Variants in KAZN observed in about 807,000 individuals in gnomAD.
The protein encoded by KAZN is kazrin, periplakin interacting protein.
In KAZN, 40 loss-of-function variants were observed where a neutral mutation model predicts 87.4. The observed-to-expected ratio is 0.46, with a 90% CI of 0.36 to 0.60. The LOEUF is 0.60. Ranked by LOEUF, KAZN falls within the 20% of genes least tolerant of loss-of-function variation. KAZN has a pLI of 0.00. For synonymous variants in KAZN, 466 were observed against 458.3 expected (o/e 1.02, Z -0.22); for missense variants, 898 against 1,073.9 (o/e 0.84, Z 2.29).
Position 14,996,086 on chromosome 1 carries a change from G to C in KAZN, c.418+35211G>C, listed in dbSNP as rs74060145. On this transcript the variant is annotated intron_variant, in intron 2 of 14. Transcript: ENST00000376030. The surrounding 1 kb of genome is among the most constrained non-coding windows in gnomAD (Gnocchi z 5.9). ...CCAGCCCCTTCTGCCTCTGGAGAGG[G>C]TCCATACCCTGCACAGCAGACGCGA... Among the ~76,000 whole-genome samples, 12,920 of 152,112 alleles carry C rather than the reference G, an allele frequency of 0.085. 662 individuals are homozygous for C. Among genetic ancestry groups the C allele is most frequent in the African/African-American group, 0.14 (5,992 of 41,468 alleles).
chr1:14,579,919 G>C (rs965281899), intron 2 of KAZN, among the ~76,000 whole-genome samples: 2 of 151,892 alleles, frequency 1.3e-5, no homozygotes, highest in African/African-American at 4.8e-5. Context: ...TTTCATACCG[G>C]GTTCATTCAC....
chr1:13,945,708 T>A (rs867858290), intron 1 of KAZN, among the ~76,000 whole-genome samples: 1,558 of 134,320 alleles, frequency 0.012, 22 homozygotes, highest in African/African-American at 0.041. Context: ...TGTGTGTGTG[T>A]GTGAGAGAGA....
chr1:13,939,973 T>G (rs1640869906), intron 1 of KAZN, among the ~76,000 whole-genome samples: 1 of 152,192 alleles, frequency 6.6e-6, no homozygotes, highest in Admixed American at 6.5e-5. Flanking sequence ...ATGAGAAATC[T>G]GACTCCATGA....
chr1:14,125,885 G>T lies in KAZN; in HGVS notation c.92-54550G>T, dbSNP rs4662111. Among the ~76,000 whole-genome samples, 108 of 150,268 alleles carry T rather than the reference G, an allele frequency of 7.2e-4. 2 individuals carry two copies. In the East Asian group the frequency reaches 0.02, roughly 28 times the overall value. ...CGTTAGATTCAGGCAACAAAGATCAGGGCAGGATTGAGGAACCATGGGAAG... is the reference window on the plus strand; with the variant it reads ...CGTTAGATTCAGGCAACAAAGATCATGGCAGGATTGAGGAACCATGGGAAG... On this transcript the variant is annotated intron_variant, in intron 1 of 16. Transcript: ENST00000636203.
intron 2 of KAZN, among the ~76,000 whole-genome samples, chr1:14,503,775 A>G (rs879800939): frequency 6.6e-5 from 10 of 152,046 alleles, no homozygotes; most frequent in Non-Finnish European, 1.2e-4. Context: ...GATGTAAGCC[A>G]GATTTGATGA....
At chr1:14,308,351 A>G (rs958281800) in intron 2 of KAZN, among the ~76,000 whole-genome samples, 5 of 152,322 alleles carry the variant, frequency 3.3e-5, no homozygotes, top group Non-Finnish European at 5.9e-5. Flanking sequence ...GCATACTGCA[A>G]TATTTAGGGT....
intron 1 of KAZN, among the ~76,000 whole-genome samples, chr1:13,931,664 C>A (rs757463746): frequency 7.1e-6 from 1 of 141,228 alleles, no homozygotes. Context: ...AAAACATGGC[C>A]AGTCCCAATG....
At chr1:13,942,409 G>A (rs868427967) in intron 1 of KAZN, among the ~76,000 whole-genome samples, 28 of 147,676 alleles carry the variant, frequency 1.9e-4, no homozygotes, top group Non-Finnish European at 3.6e-4. Context: ...GCGTGGTGGC[G>A]GGCGCCTGTA....
At chr1:14,736,393 G>C (rs1043362295) in intron 1 of KAZN, among the ~76,000 whole-genome samples, 1 of 150,680 alleles carries the variant, frequency 6.6e-6, no homozygotes, top group African/African-American at 2.4e-5. Flanking sequence ...CTGCCTCCCA[G>C]GTTCAAGCTA....
chr1:14,106,965 C>A (rs1325062043), intron 1 of KAZN, among the ~76,000 whole-genome samples: 1 of 125,188 alleles, frequency 8.0e-6, no homozygotes, highest in Non-Finnish European at 1.7e-5. Context: ...CCTCCCTCCC[C>A]GTCCCTCCCT....
chr1:14,437,344 C>T (rs1422646051), intron 2 of KAZN, among the ~76,000 whole-genome samples: 3 of 152,280 alleles, frequency 2.0e-5, no homozygotes, highest in South Asian at 2.1e-4. Flanking sequence ...AGAACACAGT[C>T]GATGAAACGC....
At chr1:14,968,276 A>G (rs959907946) in intron 2 of KAZN, among the ~76,000 whole-genome samples, 1 of 152,076 alleles carries the variant, frequency 6.6e-6, no homozygotes, top group Non-Finnish European at 1.5e-5. Flanking sequence ...TCGTGCTCCT[A>G]TGAGAGTCTA....
intron 1 of KAZN, among the ~76,000 whole-genome samples, chr1:14,848,940 C>G (rs1649109720): frequency 6.6e-6 from 1 of 152,212 alleles, no homozygotes. Context: ...GGAGCGGGGG[C>G]TGGCTAGAGG....
At chr1:14,102,909 T>C (rs1553128421) in intron 1 of KAZN, among the ~76,000 whole-genome samples, 2 of 135,486 alleles carry the variant, frequency 1.5e-5, no homozygotes, top group Non-Finnish European at 3.2e-5. Flanking sequence ...AATACTAATC[T>C]CTCTCTTTTT....
At chr1:13,989,154 A>G (rs994768173) in intron 1 of KAZN, among the ~76,000 whole-genome samples, 3 of 152,128 alleles carry the variant, frequency 2.0e-5, no homozygotes, top group African/African-American at 7.2e-5. Flanking sequence ...ACATTAATCC[A>G]TTCATGAAGG....
At chr1:15,002,383 A>G (rs1668577376) in intron 2 of KAZN, among the ~76,000 whole-genome samples, 1 of 152,180 alleles carries the variant, frequency 6.6e-6, no homozygotes, top group African/African-American at 2.4e-5. Flanking sequence ...GCCAAGAGTC[A>G]ATGGGTCTGC....
intron 2 of KAZN, among the ~76,000 whole-genome samples, chr1:14,578,151 A>G (rs1158518255): frequency 1.3e-5 from 2 of 152,164 alleles, no homozygotes; most frequent in East Asian, 3.9e-4. Flanking sequence ...TTCGTATAGA[A>G]TATCGGGTCA....
At chr1:15,023,594 A>G (rs1012025194) in intron 2 of KAZN, among the ~76,000 whole-genome samples, 6 of 152,110 alleles carry the variant, frequency 3.9e-5, no homozygotes, top group African/African-American at 1.4e-4. Context: ...GTCCTTGTAG[A>G]CCATTGGAAG....
rs144230397 is a variant in KAZN, at chr1:14,468,064, C to A, written c.250-130919C>A. ...TGTTCCTACAATGAAGGCCAAGAGG[C>A]TATCACCAGAAGACAGGAGAGTGGA... On this transcript the variant is annotated intron_variant, in intron 2 of 16. Transcript: ENST00000636203. 6.6e-5 allele frequency among the ~76,000 whole-genome samples: 10 copies of A among 152,260 alleles called. No homozygotes were observed. In the East Asian group the frequency reaches 1.9e-3, roughly 29 times the overall value.
Sources: allele counts gnomAD v4.1 joint callset (sites outside exome capture counted in the v4.1 genomes callset), GRCh38; gene constraint gnomAD v4.1.1; non-coding constraint Gnocchi (gnomAD v3.1); transcripts MANE v1.5; gene names NCBI Gene and HGNC (gene_info 2026-07-23, HGNC 2026-07-21).